ACOT7: variants seen among roughly 807,000 people sequenced by gnomAD.
ACOT7 encodes cytosolic acyl coenzyme A thioester hydrolase.
In ACOT7, 12 loss-of-function variants were observed where a neutral mutation model predicts 40.2. The observed-to-expected ratio is 0.30, with a 90% CI of 0.19 to 0.48. The LOEUF (loss-of-function observed/expected upper bound fraction) is 0.48. ACOT7 is among the 20% of genes least tolerant of loss of function. The probability of loss-of-function intolerance (pLI) is 0.99; values close to 1 mark genes in which losing one functional copy is unlikely to be tolerated. For synonymous variants in ACOT7, 228 were observed against 219.5 expected (o/e 1.04, Z -0.34); for missense variants, 395 against 530.8 (o/e 0.74, Z 2.51).
Position 6,381,843 on chromosome 1 carries a change from GA to G in ACOT7, c.143+11413del, listed in dbSNP as rs375830880. 1.1e-3 allele frequency among the ~76,000 whole-genome samples: 173 copies of G among 152,056 alleles called. 1 individual carries two copies. The highest frequency in any genetic ancestry group is 3.8e-3 in the African/African-American group (160 of 41,564). ...TGGAACATGATTCAGTCTTTAAAAG[GA>G]AGGGAATGAGCCGGGCGCGGTGGCT... On this transcript the variant is annotated intron_variant, in intron 1 of 8. Coordinates refer to ENST00000361521, the MANE Select transcript of ACOT7 (RefSeq NM_007274.4).
rs1257929224 is a variant in ACOT7, at chr1:6,339,526, C to G, written c.325G>C (p.Gly109Arg). Reference sequence around the variant, plus strand: ...TCCGCGCTGACATGCGCCACCTCACCGATGCACATGGGAGACAGGAAGTCG... The same window carrying G: ...TCCGCGCTGACATGCGCCACCTCACGGATGCACATGGGAGACAGGAAGTCG... Reference protein sequence around the residue: ...RTDFLSPMCIGEVAHVSAEIT... With the variant: ...RTDFLSPMCIREVAHVSAEIT... Residue 109 changes from glycine (G) to arginine (R), a missense_variant, in exon 3 of 9, where the codon GGT becomes CGT. Around this residue, in one of 2 missense-constraint regions of ACOT7, gnomAD observed 309 missense variants for 470.3 expected, o/e 0.66. Transcript: ENST00000361521. 10 of 1,613,630 alleles carry G rather than the reference C, an allele frequency of 6.2e-6. No individual in the cohort carries two copies. The highest frequency in any genetic ancestry group is 8.5e-6 in the Non-Finnish European group (10 of 1,180,030).
At position 6,282,991 on chromosome 1, in the gene ACOT7, T is replaced by C. The variant is rs971748512; in HGVS notation, c.830-1705A>G. 2.2e-6 allele frequency: 1 copy of C among 448,876 alleles called. No homozygotes were observed. Among genetic ancestry groups the C allele is most frequent in the East Asian group, 7.2e-5 (1 of 13,982 alleles). 27.8% of individuals were successfully genotyped at this position (448,876 alleles called of 1,614,324 possible). A position where few individuals can be genotyped will look rare whatever the true frequency, so the allele number is the denominator to read the frequency against. On this transcript the variant is annotated intron_variant, in intron 7 of 8. Transcript: ENST00000361521. The surrounding 1 kb of genome is among the most constrained non-coding windows in gnomAD (Gnocchi z 4.5). ...CTCACCAACAATTGTGTATAACACT[T>C]GGGAGTCACAGGCCAAAAAGCAGGA...
At chr1:6,284,312 C>T (rs1639437423) in intron 7 of ACOT7, among the ~76,000 whole-genome samples, 1 of 152,162 alleles carries the variant, frequency 6.6e-6, no homozygotes, top group Admixed American at 6.5e-5. Context: ...CGCAGTGGCT[C>T]ATACCTGTAA....
intron 6 of ACOT7, among the ~76,000 whole-genome samples, chr1:6,305,060 G>A (rs1640093716): frequency 6.8e-6 from 1 of 146,954 alleles, no homozygotes; most frequent in Non-Finnish European, 1.5e-5. Flanking sequence ...GGGGCGGCTG[G>A]CCGGGCGGGG....
intron 4 of ACOT7, among the ~76,000 whole-genome samples, chr1:6,329,361 C>T (rs1640893129): frequency 1.3e-5 from 2 of 152,192 alleles, no homozygotes; most frequent in African/African-American, 2.4e-5. Context: ...CCTTTTCCTC[C>T]ATAAATAAAC....
At chr1:6,276,684 G>A (rs766106272) in intron 8 of ACOT7, among the ~76,000 whole-genome samples, 4 of 151,970 alleles carry the variant, frequency 2.6e-5, no homozygotes, top group African/African-American at 4.8e-5. Context: ...GAGCACACAC[G>A]TGCTCCCAGC....
chr1:6,323,737 A>AAAATATATAT (rs1553158667), intron 5 of ACOT7, among the ~76,000 whole-genome samples: 5 of 38,412 alleles, frequency 1.3e-4, no homozygotes, highest in South Asian at 1.2e-3. Flanking sequence ...AAAAAAAAAA[A>AAAATATATAT]ATATATATAT....
chr1:6,370,787 A>T (rs1039017545), intron 1 of ACOT7, among the ~76,000 whole-genome samples: 12 of 148,452 alleles, frequency 8.1e-5, no homozygotes, highest in Non-Finnish European at 1.5e-4. Flanking sequence ...GTCACCACGC[A>T]CAGCCAATGA....
At chr1:6,383,940 G>A (rs552116235) in intron 1 of ACOT7, among the ~76,000 whole-genome samples, 65 of 151,752 alleles carry the variant, frequency 4.3e-4, no homozygotes, top group Non-Finnish European at 7.2e-4. Flanking sequence ...CCCTGACCTC[G>A]TGATCCGCCC....
Position 6,359,598 on chromosome 1 carries a change from C to T in ACOT7, c.144-9732G>A, listed in dbSNP as rs1641842242. 6.6e-6 allele frequency among the ~76,000 whole-genome samples: 1 copy of T among 152,198 alleles called. No individual in the cohort carries two copies. Among genetic ancestry groups the T allele is most frequent in the Non-Finnish European group, 1.5e-5 (1 of 68,042 alleles). On this transcript the variant is annotated intron_variant, in intron 1 of 8. Transcript: ENST00000361521. This position sits in a 1 kb window ranked among gnomAD's most constrained non-coding sequence, Gnocchi z 4.1. Reference sequence around the variant, plus strand: ...CCTGTGGGCCCTGTGCCCCCCAACCCGTACTCTCTTCACTCCGCCTCCCCT... The same window carrying T: ...CCTGTGGGCCCTGTGCCCCCCAACCTGTACTCTCTTCACTCCGCCTCCCCT...
At chr1:6,366,051 C>T (rs538252029) in intron 1 of ACOT7, among the ~76,000 whole-genome samples, 13 of 151,934 alleles carry the variant, frequency 8.6e-5, no homozygotes, top group East Asian at 8.0e-4. Flanking sequence ...CGCGTCACCA[C>T]GCCCAGCTAA....
chr1:6,308,165 T>C (rs111889569), intron 6 of ACOT7, among the ~76,000 whole-genome samples: 2 of 120,376 alleles, frequency 1.7e-5, no homozygotes, highest in African/African-American at 6.7e-5. Context: ...CAGAGGGAAC[T>C]ACAACCGGGC....
Position 6,349,841 on chromosome 1 carries a change from C to A in ACOT7, c.169G>T (p.Val57Leu), listed in dbSNP as rs146315441. The A allele has an allele frequency of 3.7e-6, 6 of 1,614,158 alleles. No homozygotes were observed. In the Admixed American group the frequency reaches 1.0e-4, roughly 27 times the overall value. Residue 57 changes from valine to leucine, a missense_variant, in exon 2 of 9, where the codon GTG becomes TTG. Val to Leu is a conservative substitution (Grantham distance 32, BLOSUM62 1). This residue lies in a region of ACOT7 where 309 missense variants were observed against 470.3 expected (regional missense o/e 0.66). Coordinates refer to ENST00000361521, the MANE Select transcript of ACOT7 (RefSeq NM_007274.4). ...GTCCCCCCGTGGACATTGCCGGCCACGTTGGCATCATCTGGCCGCATGATC... is the reference window on the plus strand; with the variant it reads ...GTCCCCCCGTGGACATTGCCGGCCAAGTTGGCATCATCTGGCCGCATGATC... Reference protein sequence around the residue: ...CRIMRPDDANVAGNVHGGTIL... With the variant: ...CRIMRPDDANLAGNVHGGTIL...
intron 8 of ACOT7, among the ~76,000 whole-genome samples, chr1:6,279,262 C>T (rs753336965): frequency 4.5e-4 from 69 of 151,922 alleles, no homozygotes; most frequent in African/African-American, 1.6e-3. Flanking sequence ...GCCCAGGCGA[C>T]GTGGAGGGAG....
chr1:6,304,751 T>A (rs1640077292), intron 6 of ACOT7, among the ~76,000 whole-genome samples: 1 of 134,596 alleles, frequency 7.4e-6, no homozygotes, highest in South Asian at 2.5e-4. Context: ...CAGAAGAATT[T>A]TTCTTAGTAC....
chr1:6,374,398 A>G (rs116062828), intron 1 of ACOT7, among the ~76,000 whole-genome samples: 1,542 of 152,342 alleles, frequency 0.01, 27 homozygotes, highest in African/African-American at 0.035. Context: ...GTATGGGGCC[A>G]GTGGGTCAGT....
chr1:6,376,480 G>A (rs1469784039), intron 1 of ACOT7, among the ~76,000 whole-genome samples: 1 of 151,842 alleles, frequency 6.6e-6, no homozygotes, highest in East Asian at 1.9e-4. Flanking sequence ...TGTAATCCCA[G>A]CACTTTGGGA....
In ACOT7 at chr1:6,289,885, C is replaced by T. The variant is rs2148389722; in HGVS notation, c.829+4979G>A. On this transcript the variant is annotated intron_variant, in intron 7 of 8. Coordinates refer to ENST00000361521, the MANE Select transcript of ACOT7 (RefSeq NM_007274.4). This position sits in a 1 kb window ranked among gnomAD's most constrained non-coding sequence, Gnocchi z 4.6. ...ATGGGCACATCAGAAAACCCCCTTC[C>T]ACCTGCTAAGACAGAATAATGTGCT... Among the ~76,000 whole-genome samples the T allele has an allele frequency of 6.6e-6, 1 of 152,298 alleles. No individual in the cohort carries two copies. Among genetic ancestry groups the T allele is most frequent in the African/African-American group, 2.4e-5 (1 of 41,548 alleles).
At position 6,282,720 on chromosome 1, in the gene ACOT7, T is replaced by G; in HGVS notation, c.830-1434A>C. On this transcript the variant is annotated intron_variant, in intron 7 of 8. Coordinates refer to ENST00000361521, the MANE Select transcript of ACOT7 (RefSeq NM_007274.4). The surrounding 1 kb of genome is among the most constrained non-coding windows in gnomAD (Gnocchi z 4.5). The stretch of plus-strand genomic sequence containing the variant: ...ATCCATGCTACATTCAACTTCATAC[T>G]TACAGGGAGCACTTCGTGCCAGTGC... 1 of 1,303,938 alleles carries G rather than the reference T, an allele frequency of 7.7e-7. No homozygotes were observed. The highest frequency in any genetic ancestry group is 1.0e-6 in the Non-Finnish European group (1 of 988,728). The allele number at this position is 1,303,938 out of a possible 1,614,324, so 80.8% of individuals were successfully genotyped here.
Sources: gnomAD v4.1 joint callset for allele counts (sites outside exome capture counted in the v4.1 genomes callset) on GRCh38, gnomAD v4.1.1 for gene constraint, gnomAD v4.1.1 regional missense constraint, Gnocchi (gnomAD v3.1) non-coding constraint, MANE v1.5 for transcripts, NCBI Gene and HGNC (gene_info 2026-07-23, HGNC 2026-07-21) for gene names.